The following CELF2 variants were observed in gnomAD, a reference collection of about 807,000 sequenced individuals.
The protein encoded by CELF2 is CUGBP Elav-like family member 2.
Under a neutral mutation model 62.6 loss-of-function variants are expected in CELF2, and 8 were observed. The ratio of observed to expected loss-of-function variants is 0.13; its 90% confidence interval spans 0.07 to 0.23. The LOEUF (loss-of-function observed/expected upper bound fraction) is 0.23. CELF2 is among the 10% of genes least tolerant of loss of function. CELF2 has a pLI of 1.00. For missense variants in CELF2, 333 were observed against 671.0 expected, an observed-to-expected ratio of 0.50 and a Z score of 5.56; for synonymous variants, 258 against 250.0, an observed-to-expected ratio of 1.03 and a Z score of -0.30.
the CELF2 span, among the ~76,000 whole-genome samples, chr10:10,616,717 T>TGA: frequency 0.023 from 3,177 of 138,630 alleles, 105 homozygotes; most frequent in African/African-American, 0.082. Flanking sequence ...TGTGTGTGTG[T>TGA]GTGAGAGAGA....
the CELF2 span, among the ~76,000 whole-genome samples, chr10:10,684,012 A>C: frequency 6.6e-6 from 1 of 152,084 alleles, no homozygotes; most frequent in Non-Finnish European, 1.5e-5. Flanking sequence ...CACCCACAGA[A>C]AAAAAAATCG....
the CELF2 span, among the ~76,000 whole-genome samples, chr10:10,650,184 G>A: frequency 6.6e-6 from 1 of 152,098 alleles, no homozygotes; most frequent in Non-Finnish European, 1.5e-5. Flanking sequence ...TGAGACAATC[G>A]AGGGAAATTA....
chr10:10,977,974 T>C (rs556355171), intron 2 of CELF2, among the ~76,000 whole-genome samples: 22 of 152,096 alleles, frequency 1.4e-4, no homozygotes, highest in African/African-American at 4.6e-4. Flanking sequence ...TGCTATTACA[T>C]AGAAGTTAAT....
intron 1 of CELF2, among the ~76,000 whole-genome samples, chr10:10,863,726 T>C (rs1048670150): frequency 2.0e-5 from 3 of 152,140 alleles, no homozygotes; most frequent in East Asian, 3.8e-4. Context: ...ATAAGTGACT[T>C]AGACCTTTCT....
chr10:11,244,763 T>C lies in CELF2; in HGVS notation c.355-4390T>C, dbSNP rs1200181225. Among the ~76,000 whole-genome samples, 3 of 152,218 alleles carry C rather than the reference T, an allele frequency of 2.0e-5. No individual in the cohort carries two copies. Among genetic ancestry groups the C allele is most frequent in the South Asian group, 2.1e-4 (1 of 4,838 alleles). ...GATCAACAGTAGGGCCTATTTTCTC[T>C]TATTCTGTGCCTCCAAATAAATTGT... On this transcript the variant is annotated intron_variant, in intron 3 of 12. Coordinates refer to ENST00000633077, the MANE Select transcript of CELF2 (RefSeq NM_001326342.2). The surrounding 1 kb of genome is among the most constrained non-coding windows in gnomAD (Gnocchi z 4.2).
intron 8 of CELF2, among the ~76,000 whole-genome samples, chr10:11,279,137 T>A (rs1351019362): frequency 6.6e-6 from 1 of 152,162 alleles, no homozygotes. Context: ...GATAAAGAAT[T>A]GTTACTAAAC....
the CELF2 span, among the ~76,000 whole-genome samples, chr10:10,688,693 A>T: frequency 6.6e-6 from 1 of 152,204 alleles, no homozygotes; most frequent in African/African-American, 2.4e-5. Flanking sequence ...AATTGGTTGT[A>T]TGAAAATAAA....
Position 11,285,877 on chromosome 10 carries a change from GTT to G in CELF2, c.842-2537_842-2536del, listed in dbSNP as rs71866142. Among the ~76,000 whole-genome samples the G allele has an allele frequency of 0.031, 3,343 of 107,332 alleles. 85 individuals carry two copies. The highest frequency in any genetic ancestry group is 0.078 in the East Asian group (308 of 3,960). The allele number at this position is 107,332 out of a possible 152,430, so 70.4% of individuals were successfully genotyped here. On this transcript the variant is annotated intron_variant, in intron 8 of 12. Coordinates refer to ENST00000633077, the MANE Select transcript of CELF2 (RefSeq NM_001326342.2). This position sits in a 1 kb window ranked among gnomAD's most constrained non-coding sequence, Gnocchi z 4.3. ...TGTGTGTGTGTGTGTGTGTGTGTGT[GTT>G]TTTACATGGACTTGAAAATGAGTAA...
intron 1 of CELF2, among the ~76,000 whole-genome samples, chr10:11,109,187 C>A (rs982985530): frequency 2.6e-5 from 4 of 152,188 alleles, no homozygotes; most frequent in African/African-American, 7.2e-5. Context: ...CAGTAAGTTA[C>A]GGATCCAGCA....
At chr10:11,130,410 C>T (rs1031907654) in intron 1 of CELF2, among the ~76,000 whole-genome samples, 2 of 152,200 alleles carry the variant, frequency 1.3e-5, no homozygotes, top group Admixed American at 1.3e-4. Context: ...CATGTTGCCC[C>T]TCCTTGCACC....
chr10:10,659,552 G>C, the CELF2 span, among the ~76,000 whole-genome samples: 5 of 152,062 alleles, frequency 3.3e-5, no homozygotes, highest in African/African-American at 1.2e-4. Context: ...ATCCATCTTG[G>C]GCATTGGTGA....
chr10:10,821,793 C>T (rs375336640), intron 1 of CELF2, among the ~76,000 whole-genome samples: 58 of 152,244 alleles, frequency 3.8e-4, no homozygotes, highest in African/African-American at 1.3e-3. Context: ...TGGTGATGCA[C>T]GATGCCCAGC....
In CELF2 at chr10:11,025,560, A is replaced by G. The variant is rs200753385; in HGVS notation, c.74+7397A>G. Among the ~76,000 whole-genome samples the G allele has an allele frequency of 1.5e-4, 23 of 152,226 alleles. No individual in the cohort carries two copies. In the East Asian group the frequency reaches 1.7e-3, roughly 11 times the overall value. On this transcript the variant is annotated intron_variant, in intron 1 of 12. Coordinates refer to ENST00000633077, the MANE Select transcript of CELF2 (RefSeq NM_001326342.2). ...ATTGTAAGTTTCCTGAGGTCTCCCCAGTCATGCTTAACTGTGAGTTGAGTA... is the reference window on the plus strand; with the variant it reads ...ATTGTAAGTTTCCTGAGGTCTCCCCGGTCATGCTTAACTGTGAGTTGAGTA...
At chr10:11,161,380 A>G (rs566735244) in intron 1 of CELF2, among the ~76,000 whole-genome samples, 1 of 152,310 alleles carries the variant, frequency 6.6e-6, no homozygotes, top group Admixed American at 6.5e-5. Context: ...ATGTGTGCGC[A>G]TGTGTCTGGG....
chr10:11,048,522 T>G (rs7902713), intron 1 of CELF2, among the ~76,000 whole-genome samples: 44,198 of 152,126 alleles, frequency 0.29, 7,193 homozygotes, highest in African/African-American at 0.43. Flanking sequence ...CCTGGTTTTC[T>G]GTTTTATCCC....
intron 1 of CELF2, among the ~76,000 whole-genome samples, chr10:10,879,285 AG>A (rs1368081761): frequency 6.6e-6 from 1 of 152,214 alleles, no homozygotes; most frequent in African/African-American, 2.4e-5. Flanking sequence ...TGTCTCCCAG[AG>A]TGCCCGCTCC....
the CELF2 span, among the ~76,000 whole-genome samples, chr10:10,506,339 T>G: frequency 1.3e-5 from 2 of 151,706 alleles, no homozygotes; most frequent in Admixed American, 6.6e-5. Flanking sequence ...TGCCGATAAA[T>G]TATTCCAACT....
At chr10:10,651,102 G>C in the CELF2 span, among the ~76,000 whole-genome samples, 1 of 148,580 alleles carries the variant, frequency 6.7e-6, no homozygotes, top group Non-Finnish European at 1.5e-5. Flanking sequence ...GTCAAAGAAA[G>C]GGGTGACGGA....
intron 10 of CELF2, chr10:11,320,826 G>GTT (rs35548374): frequency 3.8e-4 from 534 of 1,389,312 alleles, no homozygotes; most frequent in South Asian, 1.7e-3. Context: ...TGCTACTAAG[G>GTT]TTTTTTTTTT....
Sources: gnomAD v4.1 joint callset for allele counts (sites outside exome capture counted in the v4.1 genomes callset) on GRCh38, gnomAD v4.1.1 for gene constraint, Gnocchi (gnomAD v3.1) non-coding constraint, MANE v1.5 for transcripts, NCBI Gene and HGNC (gene_info 2026-07-23, HGNC 2026-07-21) for gene names.